PDK1: variants seen among roughly 807,000 people sequenced by gnomAD.
The protein encoded by PDK1 is pyruvate dehydrogenase kinase 1.
In PDK1, 39 loss-of-function variants were observed where a neutral mutation model predicts 54.2. That is an observed-to-expected ratio of 0.72 (90% confidence interval 0.56 to 0.94). The LOEUF is 0.94. PDK1 is among the 40% of genes least tolerant of loss of function. PDK1 has a pLI of 0.00. For missense variants in PDK1, 552 were observed against 566.0 expected (o/e 0.98, Z 0.25); for synonymous variants, 221 against 207.1 (o/e 1.07, Z -0.58).
At chr2:172,673,263 C>T in the PDK1 span, among the ~76,000 whole-genome samples, 1 of 152,130 alleles carries the variant, frequency 6.6e-6, no homozygotes, top group African/African-American at 2.4e-5. Context: ...GGGAGGTGAG[C>T]ATGTGCACTG....
At chr2:172,586,411 A>C in intron 9 of PDK1, 23 bp downstream of exon 9, 1 of 1,439,924 alleles carries the variant, frequency 6.9e-7, no homozygotes, top group Non-Finnish European at 9.8e-7. Context: ...GAAATAATGA[A>C]GTGTGTTTCT....
chr2:172,653,679 A>T, the PDK1 span, among the ~76,000 whole-genome samples: 2 of 152,202 alleles, frequency 1.3e-5, no homozygotes, highest in Non-Finnish European at 2.9e-5. Flanking sequence ...CCCTAGAAGA[A>T]AACTTAGGCA....
chr2:172,587,206 G>A (rs932232793), intron 9 of PDK1, among the ~76,000 whole-genome samples: 3 of 152,210 alleles, frequency 2.0e-5, no homozygotes, highest in Admixed American at 6.5e-5. Flanking sequence ...CCCTCGCAGT[G>A]TTACAGTTCT....
At chr2:172,575,425 G>C (rs1689524836) in intron 8 of PDK1, among the ~76,000 whole-genome samples, 1 of 152,190 alleles carries the variant, frequency 6.6e-6, no homozygotes, top group Non-Finnish European at 1.5e-5. Flanking sequence ...GAACACAGCA[G>C]TGAAGACTTC....
At chr2:172,698,946 G>T in the PDK1 span, among the ~76,000 whole-genome samples, 1 of 152,186 alleles carries the variant, frequency 6.6e-6, no homozygotes, top group African/African-American at 2.4e-5. Context: ...TGATGCCAGA[G>T]ATGCAAAGGG....
rs1250749524 is a variant in PDK1, at chr2:172,600,810, A to C, written c.*4841A>C. The C allele has an allele frequency of 6.6e-6, 1 of 152,118 alleles. No individual in the cohort carries two copies. Among genetic ancestry groups the C allele is most frequent in the Admixed American group, 6.6e-5 (1 of 15,264 alleles). The allele number at this position is 152,118 out of a possible 1,614,324, so 9.4% of individuals were successfully genotyped here. ...TTATCAGCTCTTATCCCATTCCTTG[A>C]CCACATAGGCTCTTAGACTCTTATT... On this transcript the variant is annotated 3_prime_UTR_variant, in exon 11 of 11. Coordinates refer to ENST00000282077, the MANE Select transcript of PDK1 (RefSeq NM_002610.5).
chr2:172,557,933 AC>A (rs1171835718), intron 1 of PDK1, among the ~76,000 whole-genome samples: 1 of 151,902 alleles, frequency 6.6e-6, no homozygotes, highest in Non-Finnish European at 1.5e-5. Context: ...GCTCACTGTA[AC>A]CTCAAATTTC....
intron 4 of PDK1, 102 bp downstream of exon 4, chr2:172,564,789 A>T (rs1688846622): frequency 9.0e-7 from 1 of 1,111,462 alleles, no homozygotes; most frequent in Non-Finnish European, 1.3e-6. Flanking sequence ...ATTTAGTTTT[A>T]CCTTTTGGCT....
At chr2:172,563,802 C>T (rs1688784929) in intron 3 of PDK1, among the ~76,000 whole-genome samples, 1 of 151,730 alleles carries the variant, frequency 6.6e-6, no homozygotes, top group Non-Finnish European at 1.5e-5. Flanking sequence ...CCATTGCTCT[C>T]CAGCCTGGGC....
chr2:172,618,842 G>A, the PDK1 span, among the ~76,000 whole-genome samples: 2 of 152,164 alleles, frequency 1.3e-5, no homozygotes, highest in African/African-American at 4.8e-5. Flanking sequence ...GTTGGGGATG[G>A]CTCTTCAGAG....
At chr2:172,621,743 A>G in the PDK1 span, among the ~76,000 whole-genome samples, 1 of 143,412 alleles carries the variant, frequency 7.0e-6, no homozygotes, top group Non-Finnish European at 1.5e-5. Flanking sequence ...CATATATGTC[A>G]TATATGTTTA....
chr2:172,721,402 A>C, the PDK1 span, among the ~76,000 whole-genome samples: 2 of 152,088 alleles, frequency 1.3e-5, no homozygotes, highest in Non-Finnish European at 2.9e-5. Flanking sequence ...GTGCAGTGGC[A>C]TGATCTCAGC....
the PDK1 span, among the ~76,000 whole-genome samples, chr2:172,622,910 A>C: frequency 6.7e-6 from 1 of 148,252 alleles, no homozygotes; most frequent in Non-Finnish European, 1.5e-5. Context: ...AATATAATAT[A>C]TGTTTATATA....
At chr2:172,702,818 T>C in the PDK1 span, among the ~76,000 whole-genome samples, 1 of 152,242 alleles carries the variant, frequency 6.6e-6, no homozygotes, top group East Asian at 1.9e-4. Flanking sequence ...TCACCATGAT[T>C]GAGGGCAAAA....
At chr2:172,701,012 G>T in the PDK1 span, among the ~76,000 whole-genome samples, 1 of 152,214 alleles carries the variant, frequency 6.6e-6, no homozygotes, top group South Asian at 2.1e-4. Context: ...GAGGGAGAGG[G>T]AGAGGGAGGA....
At chr2:172,675,184 C>G in the PDK1 span, among the ~76,000 whole-genome samples, 4 of 152,178 alleles carry the variant, frequency 2.6e-5, no homozygotes, top group African/African-American at 9.7e-5. Flanking sequence ...CTCGGCCTCC[C>G]CATTCCCTGA....
intron 9 of PDK1, among the ~76,000 whole-genome samples, chr2:172,592,581 C>T (rs76751608): frequency 0.039 from 5,909 of 152,248 alleles, 196 homozygotes; most frequent in East Asian, 0.17. Flanking sequence ...CTCTTCTCCC[C>T]TCTCCTGGAG....
At chr2:172,710,410 A>G in the PDK1 span, among the ~76,000 whole-genome samples, 2 of 152,336 alleles carry the variant, frequency 1.3e-5, no homozygotes, top group African/African-American at 2.4e-5. Context: ...TGTTTCTTAT[A>G]TTTTAAATTA....
the PDK1 span, among the ~76,000 whole-genome samples, chr2:172,718,258 A>G: frequency 1.3e-5 from 2 of 152,242 alleles, no homozygotes; most frequent in African/African-American, 4.8e-5. Context: ...CACTCATGGA[A>G]GGAAATAATG....
Sources: allele counts gnomAD v4.1 joint callset (sites outside exome capture counted in the v4.1 genomes callset), GRCh38; gene constraint gnomAD v4.1.1; transcripts MANE v1.5; gene names NCBI Gene and HGNC (gene_info 2026-07-23, HGNC 2026-07-21).